The following CDK9 variants were observed in gnomAD, a reference collection of about 807,000 sequenced individuals.
The protein encoded by CDK9 is cyclin dependent kinase 9.
A neutral mutation model predicts 39.0 loss-of-function variants in CDK9; 34 were observed. The observed-to-expected ratio is 0.87, with a 90% CI of 0.66 to 1.16. The LOEUF (loss-of-function observed/expected upper bound fraction) is 1.16. Among genes scored for constraint, CDK9 ranks in the 50% most tolerant of loss-of-function variants. CDK9 has a pLI of 0.00. For missense variants in CDK9, 369 were observed against 503.2 expected (o/e 0.73, Z 2.55); for synonymous variants, 233 against 196.2 (o/e 1.19, Z -1.57).
In CDK9 at chr9:127,789,592, G is replaced by A; in HGVS notation, c.*49G>A. The stretch of plus-strand genomic sequence containing the variant: ...TCTTGTGTTTTTTTTCTTCTGCTAT[G>A]TGACTTGCATCGTGGAGACAGGGCA... On this transcript the variant is annotated 3_prime_UTR_variant, in exon 7 of 7. Coordinates refer to ENST00000373264, the MANE Select transcript of CDK9 (RefSeq NM_001261.4). This position sits in a 1 kb window ranked among gnomAD's most constrained non-coding sequence, Gnocchi z 5.2. The A allele has an allele frequency of 6.3e-7, 1 of 1,587,198 alleles. No homozygotes were observed.
rs1270737862 is a variant in CDK9 at position 127,788,020 on chromosome 9, G to A, written c.339G>A (p.Leu113=). ...TCTGCGAGCATGACCTTGCTGGGCT[G>A]TTGAGCAATGTTTTGGTCAAGTTCA... The part of the protein sequence containing the change: ...FDFCEHDLAG[L]LSNVLVKFTL... Residue 113 remains leucine, a synonymous_variant, in exon 4 of 7, where the codon CTG becomes CTA. Transcript: ENST00000373264. The A allele has an allele frequency of 1.9e-6, 3 of 1,614,096 alleles. No individual in the cohort carries two copies. The highest frequency in any genetic ancestry group is 2.5e-6 in the Non-Finnish European group (3 of 1,180,040).
rs769375453 is a variant in CDK9, at chr9:127,786,663, G to A, written c.93-38G>A. 3 of 1,579,470 alleles carry A rather than the reference G, an allele frequency of 1.9e-6. No homozygotes were observed. The South Asian group carries it at 3.4e-5, about 18-fold the overall frequency. ...GGGGAGGGGCGGGCCCTGCGGAAAT[G>A]GCCTGATGAGTTCTCGGGTCTCCCT... On this transcript the variant is annotated intron_variant, in intron 1 of 6. Coordinates refer to ENST00000373264, the MANE Select transcript of CDK9 (RefSeq NM_001261.4).
chr9:127,788,819 G>A (rs990928874), intron 6 of CDK9, 127 bp downstream of exon 6: 37 of 993,044 alleles, frequency 3.7e-5, no homozygotes, highest in Non-Finnish European at 3.9e-5. Context: ...GCCTGTCTTG[G>A]GGTGGGGAGT....
intron 2 of CDK9, 139 bp downstream of exon 2, chr9:127,786,921 C>A: frequency 4.4e-6 from 3 of 675,546 alleles, no homozygotes; most frequent in Non-Finnish European, 7.7e-6. Context: ...GGGAATGTGG[C>A]TTCCACCCTA....
In CDK9 at chr9:127,787,035, C is replaced by T. The variant is rs571805959; in HGVS notation, c.174+253C>T. On this transcript the variant is annotated intron_variant, in intron 2 of 6. Coordinates refer to ENST00000373264, the MANE Select transcript of CDK9 (RefSeq NM_001261.4). ...TTCACGAAGTTAGGAAGCCTTTAAA[C>T]ACCTTTTTTTAGTGTTAAATTTCGC... Among the ~76,000 whole-genome samples the T allele has an allele frequency of 4.6e-5, 7 of 152,296 alleles. No individual in the cohort carries two copies. The South Asian group carries it at 1.0e-3, about 23-fold the overall frequency.
At position 127,788,208 on chromosome 9, in the gene CDK9, C is replaced by A. The variant is rs3217744; in HGVS notation, c.433-6C>A. 5 of 1,613,908 alleles carry A rather than the reference C, an allele frequency of 3.1e-6. No individual in the cohort carries two copies. Among genetic ancestry groups the A allele is most frequent in the Non-Finnish European group, 4.2e-6 (5 of 1,179,956 alleles). On this transcript the variant is annotated splice_region_variant and splice_polypyrimidine_tract_variant and intron_variant, in intron 4 of 6. Coordinates refer to ENST00000373264, the MANE Select transcript of CDK9 (RefSeq NM_001261.4). The stretch of plus-strand genomic sequence containing the variant: ...ACTAAAGGACCCACTCTTGCCCTTC[C>A]TGCAGATCCTGCATAGGGACATGAA...
At position 127,789,817 on chromosome 9, in the gene CDK9, T is replaced by C; in HGVS notation, c.*274T>C. ...ATGGGCTCGCCCACCAGTGACTTTT[T>C]CTAAGAGCTCCCGGCGTGGTGGAAG... is the stretch of plus-strand genomic sequence containing the variant. On this transcript the variant is annotated 3_prime_UTR_variant, in exon 7 of 7. Coordinates refer to ENST00000373264, the MANE Select transcript of CDK9 (RefSeq NM_001261.4). The surrounding 1 kb of genome is among the most constrained non-coding windows in gnomAD (Gnocchi z 5.2). 2.2e-6 allele frequency: 1 copy of C among 450,878 alleles called. No individual in the cohort carries two copies. The highest frequency in any genetic ancestry group is 4.0e-6 in the Non-Finnish European group (1 of 250,040). 27.9% of individuals were successfully genotyped at this position (450,878 alleles called of 1,614,324 possible).
In CDK9 at chr9:127,786,368, G is replaced by A. The variant is rs1015836978; in HGVS notation, c.92+128G>A. 5.3e-5 allele frequency: 43 copies of A among 811,826 alleles called. No homozygotes were observed. In the African/African-American group the frequency reaches 5.7e-4, roughly 11 times the overall value. The allele number at this position is 811,826 out of a possible 1,614,324, so 50.3% of individuals were successfully genotyped here. A position where few individuals can be genotyped will look rare whatever the true frequency, so the allele number is the denominator to read the frequency against. ...CCCGGGCTTGCCTGCTGGTCTCTAG[G>A]CCGCGCCGCACCCCGCCCCGGCCTG... On this transcript the variant is annotated intron_variant, in intron 1 of 6. Coordinates refer to ENST00000373264, the MANE Select transcript of CDK9 (RefSeq NM_001261.4).
At position 127,789,649 on chromosome 9, in the gene CDK9, T is replaced by C; in HGVS notation, c.*106T>C. On this transcript the variant is annotated 3_prime_UTR_variant, in exon 7 of 7. Coordinates refer to ENST00000373264, the MANE Select transcript of CDK9 (RefSeq NM_001261.4). This position sits in a 1 kb window ranked among gnomAD's most constrained non-coding sequence, Gnocchi z 5.2. ...TTTATATCTCTCATGCATATTTTAT[T>C]TAATCCCCACCCTGGGCTCTGGGAG... 1 of 1,417,202 alleles carries C rather than the reference T, an allele frequency of 7.1e-7. No homozygotes were observed. The highest frequency in any genetic ancestry group is 9.4e-7 in the Non-Finnish European group (1 of 1,059,200). 87.8% of individuals were successfully genotyped at this position (1,417,202 alleles called of 1,614,324 possible). A position where few individuals can be genotyped will look rare whatever the true frequency, so the allele number is the denominator to read the frequency against.
Position 127,787,952 on chromosome 9 carries a change from C to G in CDK9, c.271C>G (p.Pro91Ala). Residue 91 changes from proline to alanine, a missense_variant, in exon 4 of 7, where the codon CCC becomes GCC. By Grantham distance (27) the Pro-to-Ala change is conservative (BLOSUM62 -1). Transcript: ENST00000373264. ...LIEICRTKASPYNRCKGSIYL... is the reference protein window; with the variant it reads ...LIEICRTKASAYNRCKGSIYL... ...TCTTTCTATTCCTGCCTCAGCTTCC[C>G]CCTATAACCGCTGCAAGGGTAGTAT... is the stretch of plus-strand genomic sequence containing the variant. The G allele has an allele frequency of 6.2e-7, 1 of 1,614,128 alleles. No homozygotes were observed. Among genetic ancestry groups the G allele is most frequent in the Non-Finnish European group, 8.5e-7 (1 of 1,179,992 alleles).
Position 127,786,193 on chromosome 9 carries a change from A to G in CDK9, c.45A>G (p.Glu15=). The change falls in exon 1 of 7, where the codon GAA becomes GAG. Residue 15 remains glutamate (E), a synonymous_variant. Transcript: ENST00000373264. ...YDSVECPFCD[E]VSKYEKLAKI... is the part of the protein sequence containing the mutation. ...CGGTGGAGTGCCCTTTTTGTGATGA[A>G]GTTTCCAAATACGAGAAGCTCGCCA... The G allele has an allele frequency of 6.2e-7, 1 of 1,610,138 alleles. No homozygotes were observed. The highest frequency in any genetic ancestry group is 1.3e-5 in the African/African-American group (1 of 74,508).
At chr9:127,788,843 A>G (rs1461993501) in intron 6 of CDK9, 151 bp downstream of exon 6, 1 of 810,080 alleles carries the variant, frequency 1.2e-6, no homozygotes, top group African/African-American at 1.7e-5. Context: ...TGGGAGAAAA[A>G]AACACCTGAC....
intron 3 of CDK9, 79 bp downstream of exon 3, chr9:127,787,687 A>G: frequency 9.1e-7 from 1 of 1,093,166 alleles, no homozygotes; most frequent in Non-Finnish European, 1.4e-6. Context: ...AGGCACACCT[A>G]AACTGCCTCT....
intron 6 of CDK9, 67 bp downstream of exon 6, chr9:127,788,759 AGAATG>A (rs1166209313): frequency 6.9e-7 from 1 of 1,451,554 alleles, no homozygotes; most frequent in Non-Finnish European, 9.3e-7. Context: ...AGTGGGGAGT[AGAATG>A]GAAGGAGCGC....
chr9:127,789,092 T>C lies in CDK9; in HGVS notation c.754-86T>C. ...GGGAGCCTCCGAGTGGAGCAGGTAT[T>C]TTAGTCCTTTTAGGCCTTTATGAAG... On this transcript the variant is annotated intron_variant, in intron 6 of 6. Coordinates refer to ENST00000373264, the MANE Select transcript of CDK9 (RefSeq NM_001261.4). The surrounding 1 kb of genome is among the most constrained non-coding windows in gnomAD (Gnocchi z 5.2). 6.8e-7 allele frequency: 1 copy of C among 1,475,916 alleles called. No individual in the cohort carries two copies. Among genetic ancestry groups the C allele is most frequent in the East Asian group, 2.3e-5 (1 of 43,380 alleles). 91.4% of individuals were successfully genotyped at this position (1,475,916 alleles called of 1,614,324 possible).
intron 2 of CDK9, 50 bp from the exon 3 acceptor site, chr9:127,787,468 G>A: frequency 7.6e-7 from 1 of 1,309,338 alleles, no homozygotes. Context: ...CCCAGGGCTG[G>A]GCTCTGTACT....
chr9:127,786,506 G>A (rs1191939364), intron 1 of CDK9, among the ~76,000 whole-genome samples, 195 bp from the exon 2 acceptor site: 1 of 152,198 alleles, frequency 6.6e-6, no homozygotes, highest in Non-Finnish European at 1.5e-5. Context: ...CAAGTGAGGA[G>A]AAGGGACTGA....
chr9:127,786,588 G>T (rs1829324877), intron 1 of CDK9, 113 bp from the exon 2 acceptor site: 2 of 966,072 alleles, frequency 2.1e-6, no homozygotes, highest in South Asian at 3.1e-5. Context: ...TGGGTACCTA[G>T]CCCAGCCCCG....
At chr9:127,786,591 C>T (rs1829324951) in intron 1 of CDK9, 110 bp from the exon 2 acceptor site, 1 of 1,004,904 alleles carries the variant, frequency 1.0e-6, no homozygotes, top group South Asian at 1.5e-5. Flanking sequence ...GTACCTAGCC[C>T]AGCCCCGCCC....
Sources: gnomAD v4.1 joint callset for allele counts (sites outside exome capture counted in the v4.1 genomes callset) on GRCh38, gnomAD v4.1.1 for gene constraint, Gnocchi (gnomAD v3.1) non-coding constraint, MANE v1.5 for transcripts, NCBI Gene and HGNC (gene_info 2026-07-23, HGNC 2026-07-21) for gene names.